Variants in PTPRD observed in about 807,000 individuals in gnomAD.
The protein encoded by PTPRD is protein tyrosine phosphatase receptor type D, also known as receptor-type tyrosine-protein phosphatase delta.
Under a neutral mutation model 214.5 loss-of-function variants are expected in PTPRD, and 34 were observed. The ratio of observed to expected loss-of-function variants is 0.16; its 90% CI spans 0.12 to 0.21. The LOEUF is 0.21. Ranked by LOEUF, PTPRD falls within the 10% of genes least tolerant of loss-of-function variation. The probability of loss-of-function intolerance (pLI) is 1.00; values close to 1 mark genes in which losing one functional copy is unlikely to be tolerated. For missense variants in PTPRD, 2,545 were observed against 2,398.7 expected, an observed-to-expected ratio of 1.06 and a Z score of -1.27; for synonymous variants, 1,128 against 845.7, an observed-to-expected ratio of 1.33 and a Z score of -5.79.
chr9:10,350,788 T>C (rs1344115035), intron 2 of PTPRD, among the ~76,000 whole-genome samples: 1 of 152,200 alleles, frequency 6.6e-6, no homozygotes, highest in Admixed American at 6.5e-5. Context: ...ATAAAGCTAA[T>C]GGTCATCGTG....
chr9:10,278,142 C>G (rs981642534), intron 3 of PTPRD, among the ~76,000 whole-genome samples: 1 of 140,838 alleles, frequency 7.1e-6, no homozygotes, highest in Non-Finnish European at 1.6e-5. Context: ...GGCGACAGAG[C>G]GAGACTCTGT....
intron 7 of PTPRD, among the ~76,000 whole-genome samples, chr9:9,615,109 G>C (rs764396567): frequency 1.9e-4 from 29 of 152,222 alleles, no homozygotes; most frequent in Non-Finnish European, 3.2e-4. Flanking sequence ...CTCAATACTT[G>C]TCCTTTTGTG....
intron 5 of PTPRD, among the ~76,000 whole-genome samples, chr9:9,802,828 A>G (rs1412265532): frequency 6.6e-6 from 1 of 151,864 alleles, no homozygotes; most frequent in Non-Finnish European, 1.5e-5. Context: ...TTCTAATGAA[A>G]CAAACTTACA....
chr9:9,140,491 C>A (rs1041653430), intron 10 of PTPRD, among the ~76,000 whole-genome samples: 1 of 152,206 alleles, frequency 6.6e-6, no homozygotes, highest in Non-Finnish European at 1.5e-5. Flanking sequence ...GCAGTCCAAG[C>A]AATAGCAACA....
chr9:10,579,553 T>C (rs367614305), intron 2 of PTPRD, among the ~76,000 whole-genome samples: 10 of 152,322 alleles, frequency 6.6e-5, no homozygotes, highest in African/African-American at 2.2e-4. Context: ...TCTTTTCTAT[T>C]GTCAGTAGTA....
intron 7 of PTPRD, among the ~76,000 whole-genome samples, chr9:9,589,382 T>C (rs1040933963): frequency 1.4e-4 from 21 of 151,934 alleles, no homozygotes; most frequent in African/African-American, 4.8e-4. Flanking sequence ...TTGTTAACTC[T>C]TGTGGCATGT....
intron 7 of PTPRD, among the ~76,000 whole-genome samples, chr9:9,644,000 T>C (rs1411764978): frequency 6.6e-6 from 1 of 152,214 alleles, no homozygotes; most frequent in African/African-American, 2.4e-5. Context: ...GCCAACATCA[T>C]TAATTTTAAC....
intron 10 of PTPRD, among the ~76,000 whole-genome samples, chr9:9,024,758 G>A (rs1215060245): frequency 1.3e-5 from 2 of 151,586 alleles, no homozygotes; most frequent in African/African-American, 4.8e-5. Context: ...ATCTATTAGA[G>A]CACATGTCTT....
chr9:10,359,614 G>A (rs985643429), intron 2 of PTPRD, among the ~76,000 whole-genome samples: 9 of 152,212 alleles, frequency 5.9e-5, no homozygotes, highest in African/African-American at 2.2e-4. Flanking sequence ...TTAACTGGCA[G>A]TGTAATGGGT....
chr9:9,808,536 G>C (rs938703985), intron 5 of PTPRD, among the ~76,000 whole-genome samples: 8 of 152,158 alleles, frequency 5.3e-5, no homozygotes, highest in African/African-American at 9.7e-5. Flanking sequence ...AGCACAGAGA[G>C]AGACTGCCTG....
At chr9:10,504,486 T>G (rs568984526) in intron 2 of PTPRD, among the ~76,000 whole-genome samples, 1 of 152,284 alleles carries the variant, frequency 6.6e-6, no homozygotes. Context: ...GATGGACATT[T>G]AGAAACTTTT....
intron 7 of PTPRD, among the ~76,000 whole-genome samples, chr9:9,640,415 T>G (rs2095901225): frequency 6.6e-6 from 1 of 152,226 alleles, no homozygotes; most frequent in South Asian, 2.1e-4. Context: ...AACAAGGGCC[T>G]GTTGACATTG....
At chr9:8,593,674 G>C (rs566866335) in intron 14 of PTPRD, among the ~76,000 whole-genome samples, 1 of 152,056 alleles carries the variant, frequency 6.6e-6, no homozygotes, top group Non-Finnish European at 1.5e-5. Flanking sequence ...AAAAGGTTTC[G>C]AGGCCATATC....
At chr9:8,713,271 C>A in intron 12 of PTPRD, 1 of 668,480 alleles carries the variant, frequency 1.5e-6, no homozygotes. Context: ...TCTTTATCCA[C>A]TGAGCTTTTG....
intron 7 of PTPRD, among the ~76,000 whole-genome samples, chr9:9,626,909 T>C (rs751232690): frequency 2.0e-5 from 3 of 152,198 alleles, no homozygotes; most frequent in African/African-American, 7.2e-5. Flanking sequence ...GAGAAGCAAG[T>C]TGAAGGATAC....
chr9:9,575,335 T>C (rs1191407087), intron 7 of PTPRD, among the ~76,000 whole-genome samples: 1 of 152,140 alleles, frequency 6.6e-6, no homozygotes, highest in East Asian at 1.9e-4. Context: ...TTATTTAAGA[T>C]ATTTGATTTA....
At chr9:10,495,839 C>A (rs1383537448) in intron 2 of PTPRD, among the ~76,000 whole-genome samples, 1 of 151,544 alleles carries the variant, frequency 6.6e-6, no homozygotes. Flanking sequence ...TACATAGAAT[C>A]TGTAGTCTAT....
intron 3 of PTPRD, among the ~76,000 whole-genome samples, chr9:10,070,663 AG>A (rs1380236645): frequency 2.6e-5 from 4 of 152,074 alleles, no homozygotes; most frequent in African/African-American, 7.2e-5. Flanking sequence ...GTATTTAATC[AG>A]AAAAAATATT....
chr9:8,386,761 T>C (rs954457967), intron 37 of PTPRD, among the ~76,000 whole-genome samples: 3 of 152,318 alleles, frequency 2.0e-5, no homozygotes, highest in Admixed American at 2.0e-4. Flanking sequence ...CAATTCCAGC[T>C]CTTGTTTGGG....
Sources: gnomAD v4.1 joint callset for allele counts (sites outside exome capture counted in the v4.1 genomes callset) on GRCh38, gnomAD v4.1.1 for gene constraint, MANE v1.5 for transcripts, NCBI Gene and HGNC (gene_info 2026-07-23, HGNC 2026-07-21) for gene names.